ERICH6B: variants seen among roughly 807,000 people sequenced by gnomAD.
The protein encoded by ERICH6B is glutamate rich 6B.
In ERICH6B, 69 loss-of-function variants were observed where a neutral mutation model predicts 80.0. The ratio of observed to expected loss-of-function variants is 0.86; its 90% CI spans 0.71 to 1.05. The LOEUF (loss-of-function observed/expected upper bound fraction) is 1.05. Ranked by LOEUF, ERICH6B falls within the 50% of genes least tolerant of loss-of-function variation. ERICH6B has a pLI of 0.00. For synonymous variants in ERICH6B, 283 were observed against 291.9 expected (o/e 0.97, Z 0.31); for missense variants, 754 against 796.1 (o/e 0.95, Z 0.64).
intron 11 of ERICH6B, among the ~76,000 whole-genome samples, chr13:45,553,929 T>C (rs1874329635): frequency 6.6e-6 from 1 of 152,206 alleles, no homozygotes; most frequent in South Asian, 2.1e-4. Context: ...TCAAGCTATT[T>C]AACATATGCA....
At chr13:45,588,398 C>T (rs561883838) in intron 4 of ERICH6B, among the ~76,000 whole-genome samples, 1 of 152,234 alleles carries the variant, frequency 6.6e-6, no homozygotes, top group African/African-American at 2.4e-5. Context: ...AGCAAGTGGC[C>T]AGATGTTTGG....
intron 2 of ERICH6B, among the ~76,000 whole-genome samples, chr13:45,607,153 C>T (rs921401383): frequency 6.6e-6 from 1 of 152,176 alleles, no homozygotes; most frequent in Admixed American, 6.5e-5. Flanking sequence ...TTTAGTCCCA[C>T]TTCCATTTAG....
At chr13:45,612,718 C>G (rs1249475766) in intron 1 of ERICH6B, among the ~76,000 whole-genome samples, 1 of 152,158 alleles carries the variant, frequency 6.6e-6, no homozygotes, top group African/African-American at 2.4e-5. Flanking sequence ...AGGGCAGCTG[C>G]CTTGGCTAGA....
chr13:45,600,689 T>C (rs966594724), intron 2 of ERICH6B, among the ~76,000 whole-genome samples: 95 of 152,236 alleles, frequency 6.2e-4, no homozygotes, highest in African/African-American at 2.2e-3. Context: ...GATTTCATTC[T>C]TTTATGACTG....
At chr13:45,579,183 A>G (rs1259191948) in intron 7 of ERICH6B, among the ~76,000 whole-genome samples, 1 of 152,218 alleles carries the variant, frequency 6.6e-6, no homozygotes, top group South Asian at 2.1e-4. Context: ...AAGATGGAGA[A>G]AACTGTTGAT....
At chr13:45,546,749 G>A (rs550459105) in intron 13 of ERICH6B, among the ~76,000 whole-genome samples, 205 of 152,216 alleles carry the variant, frequency 1.3e-3, no homozygotes, top group Non-Finnish European at 7.6e-4. Flanking sequence ...TGCATTTGGG[G>A]GTCACTTTGT....
chr13:45,611,434 A>G (rs1949899287), intron 1 of ERICH6B, among the ~76,000 whole-genome samples: 1 of 152,262 alleles, frequency 6.6e-6, no homozygotes, highest in Admixed American at 6.5e-5. Flanking sequence ...AAGCTTTCAC[A>G]CAAAGCAATT....
rs905951435 is a variant in ERICH6B at position 45,605,601 on chromosome 13, T to C, written c.-59+1963A>G. On this transcript the variant is annotated intron_variant, in intron 2 of 14. Coordinates refer to ENST00000298738, the MANE Select transcript of ERICH6B (RefSeq NM_182542.3). ...GATCTGGACCTAGGTCTGCTCTTGC[T>C]GAGGGCAATGTTCTTTCCCCAGTGC... Among the ~76,000 whole-genome samples, 17 of 152,238 alleles carry C rather than the reference T, an allele frequency of 1.1e-4. 1 individual carries two copies.
rs375488716 is a variant in ERICH6B, at chr13:45,570,855, C to T, written c.1051-2404G>A. Among the ~76,000 whole-genome samples, 382 of 151,380 alleles carry T rather than the reference C, an allele frequency of 2.5e-3. 6 individuals are homozygous for T. Among genetic ancestry groups the T allele is most frequent in the African/African-American group, 8.5e-3 (350 of 40,978 alleles). On this transcript the variant is annotated intron_variant, in intron 8 of 14. Coordinates refer to ENST00000298738, the MANE Select transcript of ERICH6B (RefSeq NM_182542.3). Reference sequence around the variant, plus strand: ...GCAGCTGCAGGTGCCGTGTGGCATTCGCTCCATTGCAGCTGCAGGTTCCAT... The same window carrying T: ...GCAGCTGCAGGTGCCGTGTGGCATTTGCTCCATTGCAGCTGCAGGTTCCAT...
At chr13:45,584,880 C>T (rs934936786) in intron 5 of ERICH6B, among the ~76,000 whole-genome samples, 64 of 152,166 alleles carry the variant, frequency 4.2e-4, no homozygotes, top group African/African-American at 1.4e-3. Context: ...GTAATGTGTA[C>T]CCCACCTGCA....
At position 45,550,017 on chromosome 13, in the gene ERICH6B, T is replaced by C. The variant is rs937300656; in HGVS notation, c.1522A>G (p.Ile508Val). Residue 508 changes from isoleucine (I) to valine (V), a missense_variant, in exon 13 of 15, where the codon ATC becomes GTC. Ile to Val is a conservative substitution (Grantham distance 29). Coordinates refer to ENST00000298738, the MANE Select transcript of ERICH6B (RefSeq NM_182542.3). ...AACTTTTTCATTTTCGCATATAAGATGAGCATAGCCAGGTTTCCTGATGGA... is the reference window on the plus strand; with the variant it reads ...AACTTTTTCATTTTCGCATATAAGACGAGCATAGCCAGGTTTCCTGATGGA... ...HYPSGNLAML[I>V]LYAKMKKFTY... 16 of 1,551,882 alleles carry C rather than the reference T, an allele frequency of 1.0e-5. No individual in the cohort carries two copies. The highest frequency in any genetic ancestry group is 1.7e-4 in the Middle Eastern group (1 of 6,018).
intron 3 of ERICH6B, among the ~76,000 whole-genome samples, chr13:45,591,345 C>G (rs1168731480): frequency 6.6e-6 from 1 of 152,152 alleles, no homozygotes; most frequent in African/African-American, 2.4e-5. Flanking sequence ...GCCTGTAATC[C>G]CAGCACTGTG....
chr13:45,549,828 A>T (rs1874140745), intron 13 of ERICH6B, 65 bp downstream of exon 13: 2 of 1,495,510 alleles, frequency 1.3e-6, no homozygotes, highest in Non-Finnish European at 1.8e-6. Context: ...ACAGTCTGGG[A>T]GTCACGCTTT....
intron 1 of ERICH6B, among the ~76,000 whole-genome samples, chr13:45,610,627 C>T (rs868782466): frequency 1.3e-5 from 2 of 152,198 alleles, no homozygotes; most frequent in African/African-American, 4.8e-5. Context: ...CAGTCTATTG[C>T]TATATGGTGT....
intron 9 of ERICH6B, 116 bp downstream of exon 9, chr13:45,568,199 C>T (rs1409122111): frequency 2.2e-5 from 26 of 1,173,048 alleles, no homozygotes; most frequent in Non-Finnish European, 3.0e-5. Context: ...ACTCAGGGAA[C>T]CTGTCTGGTC....
At chr13:45,583,712 T>C (rs1406291223) in intron 5 of ERICH6B, among the ~76,000 whole-genome samples, 1 of 152,174 alleles carries the variant, frequency 6.6e-6, no homozygotes, top group Non-Finnish European at 1.5e-5. Flanking sequence ...ACCTGATGGT[T>C]TTATAAGGGG....
At chr13:45,545,073 A>G (rs1947083632) in intron 13 of ERICH6B, 88 bp from the exon 14 acceptor site, 2 of 1,122,868 alleles carry the variant, frequency 1.8e-6, no homozygotes, top group Admixed American at 2.6e-5. Context: ...CTTTTCCCCT[A>G]CTTGGCACAG....
chr13:45,586,950 C>T (rs1376193328), intron 5 of ERICH6B, 113 bp downstream of exon 5: 13 of 1,140,466 alleles, frequency 1.1e-5, no homozygotes, highest in Non-Finnish European at 1.5e-5. Flanking sequence ...AGTAGGATAT[C>T]ATTAGCATGA....
chr13:45,556,320 G>A (rs1268381244), intron 11 of ERICH6B, among the ~76,000 whole-genome samples: 1 of 152,130 alleles, frequency 6.6e-6, no homozygotes, highest in Non-Finnish European at 1.5e-5. Flanking sequence ...AAGACATGAA[G>A]ACTATCACAT....
Sources: allele counts gnomAD v4.1 joint callset (sites outside exome capture counted in the v4.1 genomes callset), GRCh38; gene constraint gnomAD v4.1.1; transcripts MANE v1.5; gene names NCBI Gene and HGNC (gene_info 2026-07-23, HGNC 2026-07-21).